DIS3L2: variants seen among roughly 807,000 people sequenced by gnomAD.
DIS3L2 encodes DIS3 like 3'-5' exoribonuclease 2.
DIS3L2 carries 34 observed loss-of-function variants against 97.5 expected under a neutral mutation model. The observed-to-expected ratio is 0.35, with a 90% CI of 0.27 to 0.46. The LOEUF (loss-of-function observed/expected upper bound fraction) is 0.46. Ranked by LOEUF, DIS3L2 falls within the 20% of genes least tolerant of loss-of-function variation. The pLI is 1.00. For missense variants in DIS3L2, 1,038 were observed against 1,146.0 expected (o/e 0.91, Z 1.36); for synonymous variants, 435 against 445.2 (o/e 0.98, Z 0.29).
chr2:232,161,596 G>A (rs543832076), intron 8 of DIS3L2, among the ~76,000 whole-genome samples: 3 of 152,152 alleles, frequency 2.0e-5, no homozygotes, highest in South Asian at 2.1e-4. Flanking sequence ...TCAGCCACCC[G>A]AATAGCTGGA....
At chr2:232,312,516 A>C (rs1281139659) in intron 14 of DIS3L2, among the ~76,000 whole-genome samples, 2 of 152,230 alleles carry the variant, frequency 1.3e-5, no homozygotes, top group African/African-American at 4.8e-5. Flanking sequence ...AAATCTTGAT[A>C]GCCAGTAGAG....
chr2:231,983,717 G>A (rs566971844), intron 1 of DIS3L2, among the ~76,000 whole-genome samples: 39 of 152,050 alleles, frequency 2.6e-4, no homozygotes, highest in African/African-American at 8.4e-4. Flanking sequence ...GTTGAAACAC[G>A]TCTCTGCTAA....
At chr2:232,238,046 G>A (rs533391068) in intron 10 of DIS3L2, among the ~76,000 whole-genome samples, 8 of 152,270 alleles carry the variant, frequency 5.3e-5, no homozygotes, top group African/African-American at 1.9e-4. Context: ...TCACAGCAAA[G>A]TGTGGAGGGC....
chr2:232,006,189 A>C (rs1188376125), intron 1 of DIS3L2, among the ~76,000 whole-genome samples: 1 of 152,248 alleles, frequency 6.6e-6, no homozygotes, highest in Non-Finnish European at 1.5e-5. Flanking sequence ...TCTGCCTTGA[A>C]AAAAGAAAAA....
rs918826706 is a variant in DIS3L2 at position 232,269,195 on chromosome 2, C to A, written c.1659+5755C>A. Among the ~76,000 whole-genome samples the A allele has an allele frequency of 3.9e-5, 6 of 152,184 alleles. No homozygotes were observed. The highest frequency in any genetic ancestry group is 8.8e-5 in the Non-Finnish European group (6 of 68,030). On this transcript the variant is annotated intron_variant, in intron 13 of 20. Coordinates refer to ENST00000325385, the MANE Select transcript of DIS3L2 (RefSeq NM_152383.5). The surrounding 1 kb of genome is among the most constrained non-coding windows in gnomAD (Gnocchi z 4.5). ...AAGGAAACTGTGTAGCATTTCTCCC[C>A]CACACTGCCCCCATTGCCAAATGTA...
chr2:232,331,518 T>C (rs1695737906), intron 16 of DIS3L2, among the ~76,000 whole-genome samples: 1 of 152,166 alleles, frequency 6.6e-6, no homozygotes, highest in African/African-American at 2.4e-5. Flanking sequence ...CACTTCAAGC[T>C]CTGCTGGGTT....
At chr2:232,332,937 C>T (rs34786411) in intron 16 of DIS3L2, among the ~76,000 whole-genome samples, 2 of 151,870 alleles carry the variant, frequency 1.3e-5, no homozygotes, top group African/African-American at 2.4e-5. Flanking sequence ...GGCAGGGGAT[C>T]GCATCCTGGG....
rs554764743 is a variant in DIS3L2, at chr2:231,974,630, T to A, written c.-94+12865T>A. Among the ~76,000 whole-genome samples the A allele has an allele frequency of 2.8e-3, 425 of 151,994 alleles. 1 individual carries two copies. The highest frequency in any genetic ancestry group is 4.6e-3 in the Non-Finnish European group (316 of 67,966). ...GGAATACAATTCTTTTTTAAAAAAATTTTTTTACATAGCTGTCTCCTCAAA... is the reference window on the plus strand; with the variant it reads ...GGAATACAATTCTTTTTTAAAAAAAATTTTTTACATAGCTGTCTCCTCAAA... On this transcript the variant is annotated intron_variant, in intron 1 of 20. Coordinates refer to ENST00000325385, the MANE Select transcript of DIS3L2 (RefSeq NM_152383.5).
intron 16 of DIS3L2, 74 bp from the exon 17 acceptor site, chr2:232,333,766 T>TA: frequency 3.5e-4 from 487 of 1,397,122 alleles, no homozygotes; most frequent in Admixed American, 1.8e-3. Context: ...GGTGAGGCTG[T>TA]GGGTGGTGCC....
At chr2:232,003,154 T>C (rs889857285) in intron 1 of DIS3L2, among the ~76,000 whole-genome samples, 1 of 152,248 alleles carries the variant, frequency 6.6e-6, no homozygotes, top group Non-Finnish European at 1.5e-5. Flanking sequence ...CTTTCCTGAC[T>C]CTGCTCTAAT....
chr2:232,208,109 T>A (rs1183653710), intron 9 of DIS3L2, among the ~76,000 whole-genome samples: 2 of 152,208 alleles, frequency 1.3e-5, no homozygotes, highest in Non-Finnish European at 2.9e-5. Context: ...AAATTGACCT[T>A]CTTTTGCTGT....
intron 10 of DIS3L2, among the ~76,000 whole-genome samples, chr2:232,216,881 C>T (rs970338630): frequency 3.7e-5 from 5 of 136,208 alleles, no homozygotes; most frequent in Admixed American, 2.4e-4. Context: ...CTTGCTCTGT[C>T]GCCCAGGCTG....
intron 6 of DIS3L2, among the ~76,000 whole-genome samples, chr2:232,096,964 G>A (rs1472790113): frequency 6.6e-6 from 1 of 152,194 alleles, no homozygotes; most frequent in African/African-American, 2.4e-5. Flanking sequence ...TTCCCAGATG[G>A]TGTTGATGCT....
At chr2:232,146,615 A>G (rs1039223651) in intron 8 of DIS3L2, among the ~76,000 whole-genome samples, 1 of 152,126 alleles carries the variant, frequency 6.6e-6, no homozygotes, top group African/African-American at 2.4e-5. Flanking sequence ...GTGACACAAA[A>G]AGGGAGACCC....
intron 13 of DIS3L2, among the ~76,000 whole-genome samples, chr2:232,266,795 G>A (rs754507251): frequency 2.6e-5 from 4 of 152,062 alleles, no homozygotes; most frequent in South Asian, 2.1e-4. Context: ...CGTGCTTTTG[G>A]TGGCAGTCCT....
intron 6 of DIS3L2, among the ~76,000 whole-genome samples, chr2:232,099,139 T>G (rs560191038): frequency 4.6e-5 from 7 of 152,342 alleles, no homozygotes; most frequent in Admixed American, 1.3e-4. Context: ...GTCATATAAA[T>G]TCTACTTAAT....
chr2:232,029,338 T>G (rs925758296), intron 4 of DIS3L2, among the ~76,000 whole-genome samples: 2 of 152,210 alleles, frequency 1.3e-5, no homozygotes, highest in Non-Finnish European at 2.9e-5. Flanking sequence ...GGCTATCTTG[T>G]TTATTTAAAA....
chr2:232,146,852 A>G (rs1342848284), intron 8 of DIS3L2, among the ~76,000 whole-genome samples: 1 of 152,154 alleles, frequency 6.6e-6, no homozygotes, highest in Non-Finnish European at 1.5e-5. Context: ...TTAAATTAAA[A>G]AACCTCCAAC....
At chr2:232,099,395 T>C (rs1697128615) in intron 6 of DIS3L2, among the ~76,000 whole-genome samples, 1 of 152,190 alleles carries the variant, frequency 6.6e-6, no homozygotes, top group South Asian at 2.1e-4. Flanking sequence ...TTTGTATTTT[T>C]AGTACAGACG....
Sources: gnomAD v4.1 joint callset for allele counts (sites outside exome capture counted in the v4.1 genomes callset) on GRCh38, gnomAD v4.1.1 for gene constraint, Gnocchi (gnomAD v3.1) non-coding constraint, MANE v1.5 for transcripts, NCBI Gene and HGNC (gene_info 2026-07-23, HGNC 2026-07-21) for gene names.